Variants in LSAMP observed in about 807,000 individuals in gnomAD.
LSAMP encodes limbic system associated membrane protein.
In LSAMP, 7 loss-of-function variants were observed where a neutral mutation model predicts 38.6. The ratio of observed to expected loss-of-function variants is 0.18; its 90% CI spans 0.10 to 0.34. LSAMP has a LOEUF of 0.34. Among genes scored for constraint, LSAMP ranks in the 10% least tolerant of loss-of-function variants. The pLI is 1.00. For missense variants in LSAMP, 313 were observed against 420.0 expected (o/e 0.75, Z 2.23); for synonymous variants, 154 against 166.8 (o/e 0.92, Z 0.59).
chr3:116,239,403 A>C (rs960850629), intron 1 of LSAMP, among the ~76,000 whole-genome samples: 1 of 92,042 alleles, frequency 1.1e-5, no homozygotes, highest in Admixed American at 1.2e-4. Flanking sequence ...ACATATGTTT[A>C]AAAAAAAAGA....
chr3:116,166,787 G>GTTTT (rs35340943), intron 1 of LSAMP, among the ~76,000 whole-genome samples: 12 of 118,808 alleles, frequency 1.0e-4, no homozygotes, highest in African/African-American at 1.3e-4. Context: ...TTTTTTTTTT[G>GTTTT]TTTTTTTTTT....
chr3:116,409,556 G>A (rs2048944193), intron 1 of LSAMP, among the ~76,000 whole-genome samples: 1 of 152,020 alleles, frequency 6.6e-6, no homozygotes, highest in African/African-American at 2.4e-5. Context: ...TAGCACTAAT[G>A]GCGACTGGAA....
rs1002472639 is a variant in LSAMP, at chr3:116,445,342, T to G, written c.-311A>C. The stretch of plus-strand genomic sequence containing the variant: ...GGAAGCCAAAGGAAAGGGTTCTTGT[T>G]TGGTCTCTCTGTGACTGGATGCTCC... On this transcript the variant is annotated 5_prime_UTR_variant, in exon 1 of 7. Coordinates refer to ENST00000490035, the MANE Select transcript of LSAMP (RefSeq NM_002338.5). 6 of 560,292 alleles carry G rather than the reference T, an allele frequency of 1.1e-5. No homozygotes were observed. Among genetic ancestry groups the G allele is most frequent in the Non-Finnish European group, 1.9e-5 (6 of 319,536 alleles). 34.7% of individuals were successfully genotyped at this position (560,292 alleles called of 1,614,324 possible).
intron 1 of LSAMP, among the ~76,000 whole-genome samples, chr3:116,442,757 A>G (rs963282493): frequency 1.2e-4 from 19 of 152,268 alleles, no homozygotes; most frequent in Admixed American, 2.6e-4. Flanking sequence ...TTTCCCAGAG[A>G]ATAAGTGGTT....
chr3:116,311,612 G>A (rs559280253), intron 1 of LSAMP, among the ~76,000 whole-genome samples: 3 of 152,198 alleles, frequency 2.0e-5, no homozygotes, highest in African/African-American at 4.8e-5. Flanking sequence ...GTTTAGAACC[G>A]GACAACCAGA....
intron 3 of LSAMP, among the ~76,000 whole-genome samples, chr3:115,896,065 A>C (rs886409327): frequency 6.6e-6 from 1 of 152,024 alleles, no homozygotes; most frequent in African/African-American, 2.4e-5. Flanking sequence ...GTGAGCTTTA[A>C]GTTTTTGCAT....
chr3:116,371,388 G>T (rs528343835), intron 1 of LSAMP, among the ~76,000 whole-genome samples: 10 of 152,058 alleles, frequency 6.6e-5, no homozygotes, highest in African/African-American at 2.4e-4. Flanking sequence ...AGGATGGTTT[G>T]AAACAAAAAT....
At chr3:116,382,039 C>T (rs537648218) in intron 1 of LSAMP, among the ~76,000 whole-genome samples, 3 of 152,146 alleles carry the variant, frequency 2.0e-5, no homozygotes, top group East Asian at 1.9e-4. Flanking sequence ...TGTGGAGAAA[C>T]AGGAATACTT....
intron 1 of LSAMP, among the ~76,000 whole-genome samples, chr3:116,275,819 A>G (rs757236330): frequency 3.3e-5 from 5 of 152,310 alleles, no homozygotes; most frequent in South Asian, 2.1e-4. Context: ...TCATCAATTA[A>G]TTTTATTTCC....
intron 3 of LSAMP, among the ~76,000 whole-genome samples, chr3:115,880,173 G>A (rs1207367953): frequency 6.6e-6 from 1 of 152,004 alleles, no homozygotes; most frequent in East Asian, 1.9e-4. Flanking sequence ...CTATTCTCTG[G>A]ACACACTGAT....
chr3:116,037,542 C>A (rs546362393), intron 2 of LSAMP, among the ~76,000 whole-genome samples: 60 of 152,160 alleles, frequency 3.9e-4, no homozygotes, highest in Non-Finnish European at 7.2e-4. Flanking sequence ...AAATAACATT[C>A]CAATTTTCTA....
intron 3 of LSAMP, among the ~76,000 whole-genome samples, chr3:115,909,976 G>A (rs932219110): frequency 1.2e-4 from 18 of 152,140 alleles, no homozygotes; most frequent in African/African-American, 4.3e-4. Context: ...TTGCAAATTC[G>A]TGTAAGTCAT....
At chr3:115,934,327 G>A (rs1450030267) in intron 3 of LSAMP, among the ~76,000 whole-genome samples, 2 of 151,674 alleles carry the variant, frequency 1.3e-5, no homozygotes, top group Non-Finnish European at 2.9e-5. Flanking sequence ...ACAGGCGCCC[G>A]CCACCATGCC....
rs79152312 is a variant in LSAMP at position 116,374,954 on chromosome 3, T to C, written c.155+69923A>G. 2.8e-3 allele frequency among the ~76,000 whole-genome samples: 420 copies of C among 152,102 alleles called. 13 individuals are homozygous for C. In the East Asian group the frequency reaches 0.073, roughly 26 times the overall value. On this transcript the variant is annotated intron_variant, in intron 1 of 6. Coordinates refer to ENST00000490035, the MANE Select transcript of LSAMP (RefSeq NM_002338.5). ...GTTCAGTCAAGACTTAAGATGTCTT[T>C]CTTCCAGGCTGCATAGCTCCTTTAA...
intron 1 of LSAMP, among the ~76,000 whole-genome samples, chr3:116,294,982 C>T (rs1057139591): frequency 1.3e-5 from 2 of 152,210 alleles, no homozygotes; most frequent in Middle Eastern, 3.4e-3. Flanking sequence ...TAAAACTCAT[C>T]GTCAAGAGAG....
At chr3:116,106,035 G>T (rs868689760) in intron 1 of LSAMP, among the ~76,000 whole-genome samples, 3 of 152,072 alleles carry the variant, frequency 2.0e-5, no homozygotes, top group South Asian at 4.1e-4. Context: ...ATGATGATTG[G>T]TGATGGCCTG....
At chr3:116,411,227 A>G (rs1042979176) in intron 1 of LSAMP, among the ~76,000 whole-genome samples, 36 of 152,244 alleles carry the variant, frequency 2.4e-4, no homozygotes, top group Non-Finnish European at 3.7e-4. Context: ...GCGATGCCTC[A>G]GGGATCTAGA....
At chr3:116,297,171 T>C (rs970911536) in intron 1 of LSAMP, among the ~76,000 whole-genome samples, 5 of 152,118 alleles carry the variant, frequency 3.3e-5, no homozygotes, top group Admixed American at 1.3e-4. Context: ...TGTATTTAAA[T>C]TGAAAACAGG....
chr3:116,268,626 TTAGACCTCAA>T (rs2046926215), intron 1 of LSAMP, among the ~76,000 whole-genome samples: 1 of 152,110 alleles, frequency 6.6e-6, no homozygotes, highest in Non-Finnish European at 1.5e-5. Flanking sequence ...CCCCCTTTGG[TTAGACCTCAA>T]TAATTTCTGT....
Sources: gnomAD v4.1 joint callset for allele counts (sites outside exome capture counted in the v4.1 genomes callset) on GRCh38, gnomAD v4.1.1 for gene constraint, MANE v1.5 for transcripts, NCBI Gene and HGNC (gene_info 2026-07-23, HGNC 2026-07-21) for gene names.